The following CYBRD1 variants were observed in gnomAD, a reference collection of about 807,000 sequenced individuals.
CYBRD1 encodes cytochrome b reductase 1.
In CYBRD1, 14 loss-of-function variants were observed where a neutral mutation model predicts 21.9. The observed-to-expected ratio is 0.64, with a 90% CI of 0.42 to 1.00. The LOEUF (loss-of-function observed/expected upper bound fraction) is 1.00, where lower values mean the gene tolerates loss of function less well. Among genes scored for constraint, CYBRD1 ranks in the 50% least tolerant of loss-of-function variants. CYBRD1 has a pLI of 0.00. For missense variants in CYBRD1, 328 were observed against 352.5 expected (o/e 0.93, Z 0.56); for synonymous variants, 146 against 136.5 (o/e 1.07, Z -0.48).
At chr2:171,547,980 T>G (rs56188807) in intron 2 of CYBRD1, among the ~76,000 whole-genome samples, 5,863 of 151,938 alleles carry the variant, frequency 0.039, 373 homozygotes, top group African/African-American at 0.13. Flanking sequence ...ATTGCCAAGT[T>G]GATGTGATGA....
chr2:171,527,211 A>G (rs1042580418), intron 1 of CYBRD1, among the ~76,000 whole-genome samples: 3 of 152,244 alleles, frequency 2.0e-5, no homozygotes, highest in African/African-American at 7.2e-5. Context: ...GATGATTTAA[A>G]GCAATTTTGT....
At chr2:171,548,915 G>A (rs1018772722) in intron 2 of CYBRD1, among the ~76,000 whole-genome samples, 27 of 152,138 alleles carry the variant, frequency 1.8e-4, no homozygotes, top group African/African-American at 6.3e-4. Flanking sequence ...GACCAACCTG[G>A]GCAGCATAGC....
chr2:171,543,493 C>G (rs545730701), intron 2 of CYBRD1, among the ~76,000 whole-genome samples: 1 of 152,292 alleles, frequency 6.6e-6, no homozygotes, highest in African/African-American at 2.4e-5. Context: ...ATCTCTTCTC[C>G]TCAACCAGAT....
chr2:171,525,324 G>C (rs1697368782), intron 1 of CYBRD1, among the ~76,000 whole-genome samples: 4 of 152,130 alleles, frequency 2.6e-5, no homozygotes, highest in Non-Finnish European at 5.9e-5. Context: ...TTCCTGTTTG[G>C]ATCCTGGATG....
Position 171,541,590 on chromosome 2 carries a change from A to G in CYBRD1, c.199A>G (p.Ile67Val), listed in dbSNP as rs772866226. Residue 67 changes from isoleucine (I) to valine (V), a missense_variant, in exon 2 of 4, where the codon ATC (isoleucine) becomes GTC (valine). Ile to Val is a conservative substitution (Grantham distance 29, BLOSUM62 3). Transcript: ENST00000321348. ...GTCCTTTCGTCTTTCCCTAGCCATCATCGTCTACAGACTGCCGTGGACCTG... is the reference window on the plus strand; with the variant it reads ...GTCCTTTCGTCTTTCCCTAGCCATCGTCGTCTACAGACTGCCGTGGACCTG... ...GFVFIQGIAI[I>V]VYRLPWTWKC... 8 of 1,613,898 alleles carry G rather than the reference A, an allele frequency of 5.0e-6. No homozygotes were observed. Among genetic ancestry groups the G allele is most frequent in the South Asian group, 2.2e-5 (2 of 91,070 alleles).
Position 171,522,887 on chromosome 2 carries a change from T to C in CYBRD1, c.193+149T>C. Reference sequence around the variant, plus strand: ...GGTGAGGAGCGCGCGGGAAGCCAAGTCGGCTGGGCGGGAGGGAGGCTGGCT... The same window carrying C: ...GGTGAGGAGCGCGCGGGAAGCCAAGCCGGCTGGGCGGGAGGGAGGCTGGCT... On this transcript the variant is annotated intron_variant, in intron 1 of 3. Transcript: ENST00000321348. This position sits in a 1 kb window ranked among gnomAD's most constrained non-coding sequence, Gnocchi z 4.3. The C allele has an allele frequency of 1.5e-6, 2 of 1,318,748 alleles. No homozygotes were observed. Among genetic ancestry groups the C allele is most frequent in the Non-Finnish European group, 2.1e-6 (2 of 969,002 alleles). 81.7% of individuals were successfully genotyped at this position (1,318,748 alleles called of 1,614,324 possible). A position where few individuals can be genotyped will look rare whatever the true frequency, so the allele number is the denominator to read the frequency against.
At chr2:171,533,766 CTTTCT>C (rs1455616045) in intron 1 of CYBRD1, among the ~76,000 whole-genome samples, 24 of 133,552 alleles carry the variant, frequency 1.8e-4, no homozygotes, top group African/African-American at 6.3e-4. Context: ...TTCTTTCTTT[CTTTCT>C]TTTTTTTTTT....
chr2:171,546,780 C>T (rs1697722374), intron 2 of CYBRD1, among the ~76,000 whole-genome samples: 1 of 152,034 alleles, frequency 6.6e-6, no homozygotes, highest in African/African-American at 2.4e-5. Context: ...AGACCTGAAG[C>T]CACACACCTG....
intron 2 of CYBRD1, among the ~76,000 whole-genome samples, chr2:171,545,455 T>C (rs931185996): frequency 2.0e-5 from 3 of 150,160 alleles, no homozygotes; most frequent in Admixed American, 1.3e-4. Context: ...CTTGGCTCAC[T>C]GCAACACCTG....
chr2:171,522,259 C>T, upstream of CYBRD1: 1 of 1,549,700 alleles, frequency 6.5e-7, no homozygotes, highest in East Asian at 2.4e-5. This position sits in a 1 kb window ranked among gnomAD's most constrained non-coding sequence, Gnocchi z 4.3. Context: ...TACTGAAGCC[C>T]TCTGCGAGCT....
chr2:171,527,630 A>G (rs1039143039), intron 1 of CYBRD1, among the ~76,000 whole-genome samples: 3 of 152,162 alleles, frequency 2.0e-5, no homozygotes, highest in African/African-American at 7.2e-5. Context: ...CCTCTAGCTG[A>G]TGAGAATGTT....
At chr2:171,527,356 A>G (rs1161450704) in intron 1 of CYBRD1, among the ~76,000 whole-genome samples, 2 of 152,216 alleles carry the variant, frequency 1.3e-5, no homozygotes, top group Non-Finnish European at 2.9e-5. Flanking sequence ...AGTACCTAGA[A>G]TAACACTGAG....
intron 1 of CYBRD1, among the ~76,000 whole-genome samples, chr2:171,533,753 CT>C (rs1697504559): frequency 1.4e-5 from 2 of 147,060 alleles, no homozygotes; most frequent in African/African-American, 5.0e-5. Context: ...ATTTTCTTTT[CT>C]TTTCTTTCTT....
At chr2:171,553,610 TA>T (rs1208366525) in intron 3 of CYBRD1, 110 bp downstream of exon 3, 2 of 976,586 alleles carry the variant, frequency 2.0e-6, no homozygotes, top group Non-Finnish European at 2.7e-6. Context: ...ATATTAAAAT[TA>T]AAAAATATTT....
intron 2 of CYBRD1, among the ~76,000 whole-genome samples, chr2:171,542,851 A>T (rs1339651543): frequency 2.6e-5 from 4 of 152,204 alleles, no homozygotes; most frequent in Admixed American, 6.5e-5. Flanking sequence ...ATTGCACTCC[A>T]GCCTGGGCAA....
intron 1 of CYBRD1, among the ~76,000 whole-genome samples, chr2:171,533,802 A>G (rs1697507410): frequency 7.1e-6 from 1 of 140,884 alleles, no homozygotes; most frequent in African/African-American, 2.7e-5. Context: ...CAGAAACTCC[A>G]GCTCTGTTGC....
intron 2 of CYBRD1, among the ~76,000 whole-genome samples, chr2:171,549,887 A>G (rs1697773742): frequency 6.6e-6 from 1 of 152,206 alleles, no homozygotes; most frequent in Admixed American, 6.5e-5. Flanking sequence ...GACTATATAT[A>G]ATGGAATATT....
intron 1 of CYBRD1, chr2:171,541,244 A>C (rs1697626375): frequency 2.7e-6 from 1 of 371,580 alleles, no homozygotes; most frequent in Non-Finnish European, 5.1e-6. Context: ...GGAGATATAA[A>C]TTTTTTGGAG....
chr2:171,539,101 G>A (rs1013378636), intron 1 of CYBRD1, among the ~76,000 whole-genome samples: 5 of 152,112 alleles, frequency 3.3e-5, no homozygotes, highest in Non-Finnish European at 5.9e-5. Context: ...TGAGCGCAGT[G>A]AGCCACTGCG....
Sources: allele counts gnomAD v4.1 joint callset (sites outside exome capture counted in the v4.1 genomes callset), GRCh38; gene constraint gnomAD v4.1.1; non-coding constraint Gnocchi (gnomAD v3.1); transcripts MANE v1.5; gene names NCBI Gene and HGNC (gene_info 2026-07-23, HGNC 2026-07-21).